Variants in AMMECR1 observed in about 807,000 individuals in gnomAD.
AMMECR1 encodes the protein AMMECR nuclear protein 1, also known as nuclear protein AMMECR1.
In AMMECR1, 3 loss-of-function variants were observed where a neutral mutation model predicts 22.5. That is an observed-to-expected ratio of 0.13 (90% CI 0.06 to 0.35). The LOEUF (loss-of-function observed/expected upper bound fraction) is 0.35, where lower values mean the gene tolerates loss of function less well. AMMECR1 is among the 10% of genes least tolerant of loss of function. The probability of loss-of-function intolerance (pLI) is 1.00; values close to 1 mark genes in which losing one functional copy is unlikely to be tolerated. For missense variants in AMMECR1, 235 were observed against 278.7 expected (o/e 0.84, Z 1.12); for synonymous variants, 130 against 116.7 (o/e 1.11, Z -0.74).
At chrX:110,313,761 C>G (rs191536839) in intron 1 of AMMECR1, among the ~76,000 whole-genome samples, 9 of 111,626 alleles carry the variant, frequency 8.1e-5, no homozygotes, top group African/African-American at 2.9e-4. Flanking sequence ...TAAAACCATC[C>G]CAAGAACCTC....
intron 2 of AMMECR1, among the ~76,000 whole-genome samples, chrX:110,382,369 G>C: frequency 9.0e-6 from 1 of 110,594 alleles, no homozygotes; most frequent in East Asian, 2.8e-4. Flanking sequence ...CCAACAATAA[G>C]AAACAAAGGC....
At chrX:110,212,344 C>T (rs188127858) in intron 3 of AMMECR1, among the ~76,000 whole-genome samples, 15 of 111,624 alleles carry the variant, frequency 1.3e-4, no homozygotes, top group Non-Finnish European at 2.4e-4. Context: ...AAGATATCTA[C>T]CTCTATGCTT....
intron 2 of AMMECR1, among the ~76,000 whole-genome samples, chrX:110,246,500 A>C (rs1479163864): frequency 8.9e-6 from 1 of 112,183 alleles, no homozygotes; most frequent in Non-Finnish European, 1.9e-5. Flanking sequence ...TAGTAAACAA[A>C]TACCTCAGTA....
rs2067364905 is a variant in AMMECR1 at position 110,195,381 on chromosome X, A to G, written c.*3139T>C. On this transcript the variant is annotated 3_prime_UTR_variant, in exon 6 of 6. Coordinates refer to ENST00000262844, the MANE Select transcript of AMMECR1 (RefSeq NM_015365.3). Reference sequence around the variant, plus strand: ...AAGGCCACTTGAGGGGTGGGGGACAATTTGTTCTTTTAGAATCTGGTACCT... The same window carrying G: ...AAGGCCACTTGAGGGGTGGGGGACAGTTTGTTCTTTTAGAATCTGGTACCT... 1 of 111,646 alleles carries G rather than the reference A, an allele frequency of 9.0e-6. No homozygotes were observed. Among genetic ancestry groups the G allele is most frequent in the Non-Finnish European group, 1.9e-5 (1 of 53,112 alleles). The allele number at this position is 111,646 out of a possible 1,213,427, so 9.2% of individuals were successfully genotyped here.
At chrX:110,206,547 C>G (rs924226154) in intron 3 of AMMECR1, among the ~76,000 whole-genome samples, 3 of 111,991 alleles carry the variant, frequency 2.7e-5, no homozygotes. Context: ...TGTCAGCAAG[C>G]CAACAATCTG....
chrX:110,414,588 T>C (rs1013424100), intron 2 of AMMECR1, among the ~76,000 whole-genome samples: 1 of 113,171 alleles, frequency 8.8e-6, no homozygotes, highest in Non-Finnish European at 1.9e-5. Context: ...ACAGGTTAAG[T>C]CACTCACTAA....
chrX:110,239,127 C>G (rs2067616987), intron 2 of AMMECR1, among the ~76,000 whole-genome samples: 1 of 111,396 alleles, frequency 9.0e-6, no homozygotes, highest in South Asian at 3.8e-4. Flanking sequence ...ATTCCAAAAA[C>G]CAGAACGCCT....
chrX:110,317,880 G>A lies in AMMECR1; in HGVS notation c.192C>T (p.Ser64=), dbSNP rs1189362382. 2 of 1,183,136 alleles carry A rather than the reference G, an allele frequency of 1.7e-6. No homozygotes were observed. Among genetic ancestry groups the A allele is most frequent in the Non-Finnish European group, 2.3e-6 (2 of 881,899 alleles). ...GGGGAGAGAGGGTACAGCCGCTGCC[G>A]CTACCTCCTCCGGTTAGACCTCCCA... is the stretch of plus-strand genomic sequence containing the variant. ...NGLGGLTGGG[S]GSGCTLSPPQ... Residue 64 remains serine, a synonymous_variant, in exon 1 of 6, where the codon AGC becomes AGT. Coordinates refer to ENST00000262844, the MANE Select transcript of AMMECR1 (RefSeq NM_015365.3).
At chrX:110,347,139 TTAAAA>T (rs1399585248) in intron 2 of AMMECR1, among the ~76,000 whole-genome samples, 1 of 113,205 alleles carries the variant, frequency 8.8e-6, no homozygotes, top group African/African-American at 3.2e-5. Flanking sequence ...GTTGCTGACA[TTAAAA>T]TAAATTTTCA....
chrX:110,274,162 C>T (rs866221279), intron 1 of AMMECR1, among the ~76,000 whole-genome samples: 31 of 111,514 alleles, frequency 2.8e-4, no homozygotes, highest in African/African-American at 9.8e-4. Flanking sequence ...GATTTTTCAT[C>T]AGTGTTTTGT....
At chrX:110,202,314 G>A (rs981885795) in intron 4 of AMMECR1, 132 bp downstream of exon 4, 1 of 477,142 alleles carries the variant, frequency 2.1e-6, no homozygotes, top group Non-Finnish European at 3.6e-6. Flanking sequence ...CAGTGGCAGT[G>A]ATGGAAGAGT....
intron 2 of AMMECR1, among the ~76,000 whole-genome samples, chrX:110,375,300 G>A (rs1354523496): frequency 8.9e-6 from 1 of 112,054 alleles, no homozygotes; most frequent in Admixed American, 9.5e-5. Context: ...TGAGAAAGTG[G>A]AATATACACT....
chrX:110,391,548 G>T (rs772547303), intron 2 of AMMECR1, among the ~76,000 whole-genome samples: 1 of 111,956 alleles, frequency 8.9e-6, no homozygotes, highest in East Asian at 2.8e-4. Flanking sequence ...TCCTACCTCT[G>T]GCTTTTGCTC....
intron 2 of AMMECR1, among the ~76,000 whole-genome samples, chrX:110,399,641 C>G (rs1441946851): frequency 8.9e-6 from 1 of 112,075 alleles, no homozygotes; most frequent in African/African-American, 3.2e-5. Flanking sequence ...GGTTCACTTA[C>G]AAATAAATGA....
chrX:110,402,365 G>A (rs886842342), intron 2 of AMMECR1, among the ~76,000 whole-genome samples: 1 of 113,054 alleles, frequency 8.8e-6, no homozygotes, highest in African/African-American at 3.2e-5. Flanking sequence ...TGTCTGTCAG[G>A]GTTGCCTTGG....
intron 2 of AMMECR1, among the ~76,000 whole-genome samples, chrX:110,376,070 C>T (rs1010641416): frequency 1.8e-5 from 2 of 111,451 alleles, no homozygotes; most frequent in Non-Finnish European, 3.8e-5. Flanking sequence ...AAATGACTTG[C>T]TTTTAAAACC....
rs2067395330 is a variant in AMMECR1, at chrX:110,201,176, T to C, written c.791-126A>G. On this transcript the variant is annotated intron_variant, in intron 4 of 5. Transcript: ENST00000262844. ...CAAATGCCATCAAATCTTTTGGTCC[T>C]AAAAACAATCACACAGAAAAGCTAA... 1.5e-5 allele frequency: 6 copies of C among 413,037 alleles called. No homozygotes were observed. The Admixed American group carries it at 1.7e-4, about 12-fold the overall frequency. The allele number at this position is 413,037 out of a possible 1,213,427, so 34.0% of individuals were successfully genotyped here.
intron 3 of AMMECR1, among the ~76,000 whole-genome samples, chrX:110,212,489 A>ACC (rs1408099252): frequency 8.9e-6 from 1 of 112,092 alleles, no homozygotes; most frequent in African/African-American, 3.2e-5. Flanking sequence ...GAAAAGTGCT[A>ACC]CGTTAGAAGC....
At chrX:110,281,573 G>A (rs916969079) in intron 1 of AMMECR1, among the ~76,000 whole-genome samples, 3 of 111,809 alleles carry the variant, frequency 2.7e-5, no homozygotes, top group Non-Finnish European at 5.6e-5. Context: ...ATCTGTCTTT[G>A]TTTGGCCATG....
Sources: gnomAD v4.1 joint callset for allele counts (sites outside exome capture counted in the v4.1 genomes callset) on GRCh38, gnomAD v4.1.1 for gene constraint, MANE v1.5 for transcripts, NCBI Gene and HGNC (gene_info 2026-07-23, HGNC 2026-07-21) for gene names.